PALM2AKAP2: variants seen among roughly 807,000 people sequenced by gnomAD.
The protein encoded by PALM2AKAP2 is PALM2 and AKAP2 fusion, also known as PALM2-AKAP2 fusion protein.
A neutral mutation model predicts 71.5 loss-of-function variants in PALM2AKAP2; 37 were observed. The ratio of observed to expected loss-of-function variants is 0.52; its 90% CI spans 0.40 to 0.68. PALM2AKAP2 has a LOEUF of 0.68. PALM2AKAP2 is among the 30% of genes least tolerant of loss of function. The pLI, the probability that PALM2AKAP2 is intolerant of heterozygous loss-of-function variation, is 0.00. For missense variants in PALM2AKAP2, 1,224 were observed against 1,191.8 expected, an observed-to-expected ratio of 1.03 and a Z score of -0.40; for synonymous variants, 468 against 478.8, an observed-to-expected ratio of 0.98 and a Z score of 0.29.
intron 1 of PALM2AKAP2, among the ~76,000 whole-genome samples, chr9:109,751,171 G>T (rs1018130603): frequency 6.6e-6 from 1 of 152,138 alleles, no homozygotes; most frequent in African/African-American, 2.4e-5. Flanking sequence ...TCTAAACTGA[G>T]TGGGGAACTG....
chr9:109,920,281 G>T (rs1055747471), intron 3 of PALM2AKAP2, among the ~76,000 whole-genome samples: 2 of 152,152 alleles, frequency 1.3e-5, no homozygotes, highest in Non-Finnish European at 2.9e-5. Context: ...AAATCACATG[G>T]TCAAGATTGA....
At chr9:110,023,458 G>A (rs1285596515) in intron 7 of PALM2AKAP2, among the ~76,000 whole-genome samples, 2 of 151,670 alleles carry the variant, frequency 1.3e-5, no homozygotes, top group Non-Finnish European at 2.9e-5. Context: ...GGATTAACAG[G>A]CCTGTGCCAC....
intron 1 of PALM2AKAP2, among the ~76,000 whole-genome samples, chr9:109,821,855 C>T (rs1182680517): frequency 6.6e-6 from 1 of 152,112 alleles, no homozygotes; most frequent in Admixed American, 6.5e-5. Flanking sequence ...CTTCTTGTGT[C>T]AAAAACATCA....
intron 1 of PALM2AKAP2, among the ~76,000 whole-genome samples, chr9:110,064,370 G>A (rs1050554825): frequency 1.3e-5 from 2 of 152,102 alleles, no homozygotes; most frequent in African/African-American, 2.4e-5. Context: ...TCTCCTGTCC[G>A]ACCTCCTAGC....
intron 1 of PALM2AKAP2, among the ~76,000 whole-genome samples, chr9:110,113,684 AC>A (rs1181086464): frequency 6.6e-6 from 1 of 151,942 alleles, no homozygotes; most frequent in Non-Finnish European, 1.5e-5. Flanking sequence ...GGCGCCTGCC[AC>A]CACAACAGGC....
intron 6 of PALM2AKAP2, among the ~76,000 whole-genome samples, chr9:110,006,320 C>CTCTTT (rs1238150373): frequency 3.6e-5 from 3 of 82,636 alleles, no homozygotes; most frequent in Non-Finnish European, 8.2e-5. Context: ...TTCCTTCCTT[C>CTCTTT]CTTCTCTTTC....
chr9:110,079,502 G>GA (rs1363123614), intron 1 of PALM2AKAP2, among the ~76,000 whole-genome samples: 6 of 150,612 alleles, frequency 4.0e-5, no homozygotes, highest in Admixed American at 2.0e-4. Context: ...TCTCCAAAAA[G>GA]AAAAAAAAAT....
intron 1 of PALM2AKAP2, among the ~76,000 whole-genome samples, chr9:109,731,301 G>T (rs1038994511): frequency 9.2e-5 from 14 of 152,254 alleles, no homozygotes; most frequent in African/African-American, 3.1e-4. Flanking sequence ...ACATGATTTT[G>T]CTCTTTTCTG....
intron 1 of PALM2AKAP2, among the ~76,000 whole-genome samples, chr9:109,798,673 T>C (rs1480687020): frequency 6.6e-6 from 1 of 152,240 alleles, no homozygotes; most frequent in Non-Finnish European, 1.5e-5. Flanking sequence ...GTCCTGTCTG[T>C]GTTTTTGCTT....
chr9:110,044,344 C>CTTTTTTTTT (rs57314430), upstream of PALM2AKAP2, among the ~76,000 whole-genome samples: 264 of 80,144 alleles, frequency 3.3e-3, 1 homozygote, highest in African/African-American at 5.4e-3. Context: ...TTCTTTCTTT[C>CTTTTTTTTT]TTTTTTTTTT....
intron 3 of PALM2AKAP2, among the ~76,000 whole-genome samples, chr9:110,164,528 CTTTTTTT>C (rs35588802): frequency 1.5e-5 from 2 of 129,300 alleles, no homozygotes. Context: ...ATTTAGTTTA[CTTTTTTT>C]TTTTTTTTTT....
At chr9:109,994,009 T>G (rs185058590) in intron 6 of PALM2AKAP2, among the ~76,000 whole-genome samples, 191 of 152,248 alleles carry the variant, frequency 1.3e-3, no homozygotes, top group African/African-American at 4.3e-3. Context: ...AATTCAGTAT[T>G]ATAAATACCT....
chr9:110,091,656 G>GT (rs1834717040), intron 1 of PALM2AKAP2, among the ~76,000 whole-genome samples: 1 of 151,810 alleles, frequency 6.6e-6, no homozygotes, highest in Admixed American at 6.6e-5. Flanking sequence ...TAGAGATGGG[G>GT]TTTCACCGTG....
chr9:109,694,423 A>G (rs1464190954), intron 1 of PALM2AKAP2, among the ~76,000 whole-genome samples: 1 of 152,106 alleles, frequency 6.6e-6, no homozygotes, highest in Non-Finnish European at 1.5e-5. Flanking sequence ...GAGGGGAAAT[A>G]TAAACAACAA....
At chr9:110,108,864 G>T (rs1451338165) in intron 1 of PALM2AKAP2, among the ~76,000 whole-genome samples, 1 of 152,148 alleles carries the variant, frequency 6.6e-6, no homozygotes. Context: ...TTGGTAGGGG[G>T]AAGTAAAGGA....
At chr9:109,900,630 A>G (rs755109252) in intron 3 of PALM2AKAP2, among the ~76,000 whole-genome samples, 4 of 152,204 alleles carry the variant, frequency 2.6e-5, no homozygotes, top group Non-Finnish European at 5.9e-5. Flanking sequence ...ATAATTAGAG[A>G]TACAGAGATG....
chr9:110,012,555 A>T (rs7870706), intron 6 of PALM2AKAP2, among the ~76,000 whole-genome samples: 1,560 of 152,058 alleles, frequency 0.01, 26 homozygotes, highest in African/African-American at 0.036. Flanking sequence ...CTGTTCTTAC[A>T]AACTTATCAT....
intron 3 of PALM2AKAP2, among the ~76,000 whole-genome samples, chr9:109,891,245 A>G (rs1195931654): frequency 1.3e-5 from 2 of 152,194 alleles, no homozygotes; most frequent in East Asian, 3.8e-4. Flanking sequence ...AGCACTTAGA[A>G]AGCCACTGGC....
intron 1 of PALM2AKAP2, among the ~76,000 whole-genome samples, chr9:109,702,413 T>TA (rs1200447474): frequency 6.6e-6 from 1 of 152,082 alleles, no homozygotes; most frequent in Non-Finnish European, 1.5e-5. Context: ...TATGCTGCCA[T>TA]AAAAAAGGAT....
Sources: allele counts gnomAD v4.1 joint callset (sites outside exome capture counted in the v4.1 genomes callset), GRCh38; gene constraint gnomAD v4.1.1; transcripts MANE v1.5; gene names NCBI Gene and HGNC (gene_info 2026-07-23, HGNC 2026-07-21).